Variants in RSRC1 observed in about 807,000 individuals in gnomAD.
RSRC1 encodes the protein serine/Arginine-related protein 53.
Under a neutral mutation model 49.1 loss-of-function variants are expected in RSRC1, and 39 were observed. That is an observed-to-expected ratio of 0.79 (90% CI 0.61 to 1.04). The LOEUF is 1.04. RSRC1 is among the 50% of genes least tolerant of loss of function. The pLI, the probability that RSRC1 is intolerant of heterozygous loss-of-function variation, is 0.00. For missense variants in RSRC1, 388 were observed against 402.4 expected, an observed-to-expected ratio of 0.96 and a Z score of 0.31; for synonymous variants, 143 against 130.8, an observed-to-expected ratio of 1.09 and a Z score of -0.63.
At chr3:158,161,416 A>G (rs1454766688) in intron 3 of RSRC1, among the ~76,000 whole-genome samples, 1 of 152,218 alleles carries the variant, frequency 6.6e-6, no homozygotes, top group African/African-American at 2.4e-5. Flanking sequence ...TTCATTGGCC[A>G]AAGCAAATCA....
At chr3:158,469,960 A>C (rs1273846556) in intron 7 of RSRC1, among the ~76,000 whole-genome samples, 1 of 152,090 alleles carries the variant, frequency 6.6e-6, no homozygotes, top group Non-Finnish European at 1.5e-5. Context: ...TATTAGCTCT[A>C]TTAAAAGAAA....
At chr3:158,522,457 C>T (rs533673923) in intron 7 of RSRC1, among the ~76,000 whole-genome samples, 5 of 152,136 alleles carry the variant, frequency 3.3e-5, no homozygotes, top group South Asian at 2.1e-4. Context: ...AGGCATGAGC[C>T]GCTGCATCCA....
intron 7 of RSRC1, among the ~76,000 whole-genome samples, chr3:158,505,627 A>G (rs994182130): frequency 5.9e-5 from 9 of 152,086 alleles, no homozygotes; most frequent in African/African-American, 2.2e-4. Context: ...ACTAGATAAT[A>G]GGTATTCCAA....
intron 3 of RSRC1, among the ~76,000 whole-genome samples, chr3:158,193,882 G>A (rs1234174304): frequency 6.6e-6 from 1 of 151,982 alleles, no homozygotes; most frequent in African/African-American, 2.4e-5. Context: ...TGTAAATTAG[G>A]ACAATAAAAT....
intron 6 of RSRC1, among the ~76,000 whole-genome samples, chr3:158,408,188 G>C (rs370310017): frequency 6.6e-6 from 1 of 152,106 alleles, no homozygotes; most frequent in Admixed American, 6.5e-5. Context: ...TCCTCAGCTC[G>C]TTCACTGAGC....
At chr3:158,457,248 T>G (rs1454237636) in intron 6 of RSRC1, among the ~76,000 whole-genome samples, 1 of 152,128 alleles carries the variant, frequency 6.6e-6, no homozygotes, top group South Asian at 2.1e-4. Flanking sequence ...AAGGAATGAA[T>G]GGATTCTAGA....
chr3:158,388,617 T>G (rs1257947300), intron 6 of RSRC1, among the ~76,000 whole-genome samples: 1 of 151,542 alleles, frequency 6.6e-6, no homozygotes, highest in East Asian at 1.9e-4. Context: ...TTTTTGTTTT[T>G]TTTTTTTTTT....
chr3:158,420,336 C>T (rs555403812), intron 6 of RSRC1, among the ~76,000 whole-genome samples: 15 of 152,090 alleles, frequency 9.9e-5, no homozygotes, highest in Admixed American at 9.2e-4. Context: ...AAAAGATTTA[C>T]AGTGGCTTGC....
intron 6 of RSRC1, among the ~76,000 whole-genome samples, chr3:158,425,779 C>CA (rs1347380199): frequency 2.0e-5 from 3 of 151,652 alleles, no homozygotes; most frequent in African/African-American, 7.3e-5. Context: ...TTATTGGGTG[C>CA]ATATATTTAG....
intron 3 of RSRC1, among the ~76,000 whole-genome samples, chr3:158,137,117 G>A (rs139115356): frequency 6.6e-6 from 1 of 152,188 alleles, no homozygotes; most frequent in Admixed American, 6.5e-5. Context: ...TCCTCAACTG[G>A]AATGAGCAGC....
At chr3:158,329,238 G>A (rs978149365) in intron 5 of RSRC1, among the ~76,000 whole-genome samples, 3 of 152,140 alleles carry the variant, frequency 2.0e-5, no homozygotes, top group East Asian at 1.9e-4. Context: ...CTCTCAACTC[G>A]TCAAAGTCAT....
intron 4 of RSRC1, among the ~76,000 whole-genome samples, chr3:158,259,468 G>T (rs1724765381): frequency 6.6e-6 from 1 of 152,118 alleles, no homozygotes; most frequent in Non-Finnish European, 1.5e-5. Context: ...TGGAACTGGG[G>T]TAAGGGTGAC....
chr3:158,120,388 A>G (rs1305174406), intron 1 of RSRC1, among the ~76,000 whole-genome samples: 1 of 151,854 alleles, frequency 6.6e-6, no homozygotes, highest in African/African-American at 2.4e-5. Flanking sequence ...AGATTTTTTC[A>G]ACTGGTATTG....
chr3:158,228,963 T>C (rs1186373187), intron 4 of RSRC1, among the ~76,000 whole-genome samples: 9 of 105,898 alleles, frequency 8.5e-5, no homozygotes, highest in South Asian at 3.2e-4. Context: ...TAAACACACA[T>C]ACGTGTATAT....
intron 4 of RSRC1, among the ~76,000 whole-genome samples, chr3:158,238,705 C>G (rs558471873): frequency 6.6e-6 from 1 of 152,228 alleles, no homozygotes; most frequent in East Asian, 1.9e-4. Context: ...ACACCTTATA[C>G]AAAAATTAAT....
intron 6 of RSRC1, among the ~76,000 whole-genome samples, chr3:158,380,173 A>T (rs892051642): frequency 6.6e-6 from 1 of 152,232 alleles, no homozygotes; most frequent in Non-Finnish European, 1.5e-5. Context: ...AGAAGCAATT[A>T]TATGTCATTT....
intron 5 of RSRC1, among the ~76,000 whole-genome samples, chr3:158,310,653 G>A (rs1728075143): frequency 6.6e-6 from 1 of 151,638 alleles, no homozygotes; most frequent in African/African-American, 2.4e-5. Context: ...ATTTAGAGAA[G>A]CAACTTTTAA....
intron 4 of RSRC1, among the ~76,000 whole-genome samples, chr3:158,296,243 A>G (rs541483073): frequency 6.6e-6 from 1 of 152,222 alleles, no homozygotes; most frequent in African/African-American, 2.4e-5. Context: ...TCTAAGATAG[A>G]TTGCCAAGTG....
At chr3:158,255,317 A>G (rs1230900374) in intron 4 of RSRC1, among the ~76,000 whole-genome samples, 1 of 152,228 alleles carries the variant, frequency 6.6e-6, no homozygotes, top group African/African-American at 2.4e-5. Context: ...TTTATTAAAT[A>G]GGGAATCCTT....
Sources: allele counts gnomAD v4.1 joint callset (sites outside exome capture counted in the v4.1 genomes callset), GRCh38; gene constraint gnomAD v4.1.1; transcripts MANE v1.5; gene names NCBI Gene and HGNC (gene_info 2026-07-23, HGNC 2026-07-21).